The following MACROD2 variants were observed in gnomAD, a reference collection of about 807,000 sequenced individuals.
The protein encoded by MACROD2 is ADP-ribose glycohydrolase MACROD2.
MACROD2 carries 36 observed loss-of-function variants against 70.4 expected under a neutral mutation model. That is an observed-to-expected ratio of 0.51 (90% CI 0.39 to 0.68). The LOEUF is 0.68. Ranked by LOEUF, MACROD2 falls within the 30% of genes least tolerant of loss-of-function variation. The pLI is 0.00. For synonymous variants in MACROD2, 172 were observed against 178.8 expected, an observed-to-expected ratio of 0.96 and a Z score of 0.30; for missense variants, 496 against 538.4, an observed-to-expected ratio of 0.92 and a Z score of 0.78.
intron 8 of MACROD2, among the ~76,000 whole-genome samples, chr20:15,860,116 C>T (rs1011414935): frequency 2.0e-5 from 3 of 152,094 alleles, no homozygotes; most frequent in Admixed American, 1.3e-4. Context: ...ACCTGGGCAG[C>T]AGAGCAAGAC....
At chr20:15,580,212 A>G (rs2048504841) in intron 8 of MACROD2, among the ~76,000 whole-genome samples, 1 of 152,168 alleles carries the variant, frequency 6.6e-6, no homozygotes, top group Non-Finnish European at 1.5e-5. Context: ...CCCATCACCA[A>G]ATTTGCCAAT....
chr20:15,338,684 A>G (rs1600260546), intron 6 of MACROD2, among the ~76,000 whole-genome samples: 1 of 147,774 alleles, frequency 6.8e-6, no homozygotes, highest in Admixed American at 6.8e-5. Context: ...AAACAGGCCT[A>G]GGGGGGTAAG....
intron 5 of MACROD2, among the ~76,000 whole-genome samples, chr20:14,769,235 G>A (rs1017488718): frequency 1.6e-4 from 24 of 152,094 alleles, no homozygotes. Context: ...GTTGGTTGTA[G>A]AGCCAGTGTT....
At chr20:15,185,818 A>C (rs925495354) in intron 5 of MACROD2, among the ~76,000 whole-genome samples, 1 of 152,234 alleles carries the variant, frequency 6.6e-6, no homozygotes, top group Non-Finnish European at 1.5e-5. Context: ...TTCTAACAGC[A>C]ATACTAGAAG....
chr20:15,234,364 G>C (rs1461881340), intron 6 of MACROD2, among the ~76,000 whole-genome samples: 1 of 151,748 alleles, frequency 6.6e-6, no homozygotes, highest in Non-Finnish European at 1.5e-5. Flanking sequence ...CCTTGAGATT[G>C]TTGATTGCAA....
At chr20:14,271,385 G>A (rs1029485321) in intron 3 of MACROD2, among the ~76,000 whole-genome samples, 1 of 152,216 alleles carries the variant, frequency 6.6e-6, no homozygotes, top group Non-Finnish European at 1.5e-5. Flanking sequence ...GACAAACAGG[G>A]TCTGGAGTGG....
intron 5 of MACROD2, among the ~76,000 whole-genome samples, chr20:15,086,462 C>A (rs2075749560): frequency 6.6e-6 from 1 of 152,160 alleles, no homozygotes; most frequent in Non-Finnish European, 1.5e-5. Context: ...GAGTCTCCCT[C>A]TACTCTGGCC....
intron 3 of MACROD2, among the ~76,000 whole-genome samples, chr20:14,295,158 G>T (rs548757707): frequency 2.6e-5 from 4 of 151,982 alleles, no homozygotes; most frequent in Non-Finnish European, 4.4e-5. Context: ...GTGCACGTGT[G>T]TGTTTTTACT....
At chr20:14,287,386 G>T (rs1414286315) in intron 3 of MACROD2, among the ~76,000 whole-genome samples, 1 of 150,508 alleles carries the variant, frequency 6.6e-6, no homozygotes, top group African/African-American at 2.4e-5. Flanking sequence ...ATTAGGAAAT[G>T]ATGATGATGA....
intron 3 of MACROD2, among the ~76,000 whole-genome samples, chr20:14,464,796 A>C (rs1283695026): frequency 1.3e-5 from 2 of 151,928 alleles, no homozygotes; most frequent in Non-Finnish European, 2.9e-5. Flanking sequence ...TTATGTACCC[A>C]GTAGTCATTC....
chr20:14,901,158 T>C (rs1776392807), intron 5 of MACROD2, among the ~76,000 whole-genome samples: 1 of 152,092 alleles, frequency 6.6e-6, no homozygotes. Context: ...TATTCTATAA[T>C]AAAATATTTT....
intron 8 of MACROD2, among the ~76,000 whole-genome samples, chr20:15,543,633 A>T (rs558574801): frequency 6.6e-6 from 1 of 152,300 alleles, no homozygotes; most frequent in Non-Finnish European, 1.5e-5. Context: ...TTCCATTGTT[A>T]CAATTTCAAG....
At chr20:14,513,314 T>C (rs1275367387) in intron 4 of MACROD2, among the ~76,000 whole-genome samples, 1 of 152,128 alleles carries the variant, frequency 6.6e-6, no homozygotes, top group East Asian at 1.9e-4. Flanking sequence ...GCTTTAAAGA[T>C]ACATGGCAAA....
At chr20:15,741,727 C>T (rs2051109318) in intron 8 of MACROD2, among the ~76,000 whole-genome samples, 1 of 152,120 alleles carries the variant, frequency 6.6e-6, no homozygotes, top group Admixed American at 6.6e-5. Flanking sequence ...GTTGCACCCT[C>T]ACACACAAGA....
At chr20:14,875,829 T>G (rs2073544307) in intron 5 of MACROD2, among the ~76,000 whole-genome samples, 1 of 152,190 alleles carries the variant, frequency 6.6e-6, no homozygotes, top group Non-Finnish European at 1.5e-5. Context: ...TTCTTTTTCA[T>G]GGAGGTATAG....
chr20:15,143,794 A>G (rs1019834196), intron 5 of MACROD2, among the ~76,000 whole-genome samples: 1 of 151,776 alleles, frequency 6.6e-6, no homozygotes, highest in Admixed American at 6.6e-5. Context: ...ATTTTGATGA[A>G]TCATATTCTC....
chr20:15,416,061 GA>G (rs1414291437), intron 6 of MACROD2, among the ~76,000 whole-genome samples: 1 of 152,198 alleles, frequency 6.6e-6, no homozygotes, highest in African/African-American at 2.4e-5. Flanking sequence ...TGAACACTGA[GA>G]AATGTGGAGA....
intron 3 of MACROD2, among the ~76,000 whole-genome samples, chr20:14,088,191 T>C (rs1181233828): frequency 1.3e-5 from 2 of 152,018 alleles, no homozygotes; most frequent in East Asian, 3.9e-4. Flanking sequence ...TAGCCAGGCG[T>C]GGTGGCGTGT....
chr20:15,003,769 T>C (rs1449794958), intron 5 of MACROD2, among the ~76,000 whole-genome samples: 1 of 152,190 alleles, frequency 6.6e-6, no homozygotes, highest in East Asian at 1.9e-4. Flanking sequence ...GCCTGAGGCC[T>C]GCTAAGGTAT....
Sources: gnomAD v4.1 joint callset for allele counts (sites outside exome capture counted in the v4.1 genomes callset) on GRCh38, gnomAD v4.1.1 for gene constraint, MANE v1.5 for transcripts, NCBI Gene and HGNC (gene_info 2026-07-23, HGNC 2026-07-21) for gene names.